The following CRTC3 variants were observed in gnomAD, a reference collection of about 807,000 sequenced individuals.
CRTC3 encodes the protein CREB regulated transcription coactivator 3.
Under a neutral mutation model 74.5 loss-of-function variants are expected in CRTC3, and 26 were observed. The observed-to-expected ratio is 0.35, with a 90% CI of 0.26 to 0.48. The LOEUF is 0.48. Among genes scored for constraint, CRTC3 ranks in the 20% least tolerant of loss-of-function variants. CRTC3 has a pLI of 0.99. For synonymous variants in CRTC3, 377 were observed against 325.8 expected, an observed-to-expected ratio of 1.16 and a Z score of -1.69; for missense variants, 760 against 787.3, an observed-to-expected ratio of 0.97 and a Z score of 0.41.
chr15:90,644,939 T>TG lies in CRTC3; in HGVS notation c.*2801dup. ...TGCATTTCCATTTTTTCTTTCTGTATGGTTGTGGGTTTTAGGACATAGGGG... is the reference window on the plus strand; with the variant it reads ...TGCATTTCCATTTTTTCTTTCTGTATGGGTTGTGGGTTTTAGGACATAGGGG... On this transcript the variant is annotated 3_prime_UTR_variant, in exon 15 of 15. Transcript: ENST00000268184. 4.3e-6 allele frequency: 1 copy of TG among 232,500 alleles called. No individual in the cohort carries two copies. Among genetic ancestry groups the TG allele is most frequent in the East Asian group, 6.1e-5 (1 of 16,474 alleles). The allele number at this position is 232,500 out of a possible 1,614,324, so 14.4% of individuals were successfully genotyped here. A position where few individuals can be genotyped will look rare whatever the true frequency, so the allele number is the denominator to read the frequency against.
At chr15:90,593,830 C>A in intron 3 of CRTC3, 75 bp downstream of exon 3, 3 of 1,471,248 alleles carry the variant, frequency 2.0e-6, no homozygotes, top group Non-Finnish European at 1.9e-6. Context: ...ATCTTCCCTG[C>A]AATTCTCCTT....
intron 8 of CRTC3, 196 bp downstream of exon 8, chr15:90,618,164 T>C (rs1968543357): frequency 8.0e-6 from 3 of 375,330 alleles, no homozygotes; most frequent in African/African-American, 2.1e-5. Flanking sequence ...AATTAGCACA[T>C]TGATCTCTTG....
Position 90,530,291 on chromosome 15 carries a change from T to G in CRTC3, c.132+88T>G. The G allele has an allele frequency of 2.5e-6, 2 of 792,812 alleles. No individual in the cohort carries two copies. Among genetic ancestry groups the G allele is most frequent in the Non-Finnish European group, 3.0e-6 (2 of 656,044 alleles). The allele number at this position is 792,812 out of a possible 1,614,324, so 49.1% of individuals were successfully genotyped here. A position where few individuals can be genotyped will look rare whatever the true frequency, so the allele number is the denominator to read the frequency against. On this transcript the variant is annotated intron_variant, in intron 1 of 14. Transcript: ENST00000268184. This position sits in a 1 kb window ranked among gnomAD's most constrained non-coding sequence, Gnocchi z 6.2. ...GTGAGAGGTTGCGGGGCCAAGGCGATGGCGGGGCCGGGCGGGGGCCGCGCC... is the reference window on the plus strand; with the variant it reads ...GTGAGAGGTTGCGGGGCCAAGGCGAGGGCGGGGCCGGGCGGGGGCCGCGCC...
intron 9 of CRTC3, 76 bp downstream of exon 9, chr15:90,619,866 C>A: frequency 8.2e-7 from 1 of 1,219,900 alleles, no homozygotes; most frequent in Non-Finnish European, 1.2e-6. Context: ...TGCTTTGTTA[C>A]AGAACTCTCA....
intron 1 of CRTC3, 88 bp from the exon 2 acceptor site, chr15:90,539,951 A>C: frequency 1.1e-5 from 10 of 897,024 alleles, no homozygotes; most frequent in Non-Finnish European, 1.8e-5. Context: ...TTCATTCTTG[A>C]ACCGTTCCCC....
In CRTC3 at chr15:90,614,772, T is replaced by G. The variant is rs544310979; in HGVS notation, c.613+284T>G. Among the ~76,000 whole-genome samples the G allele has an allele frequency of 1.3e-4, 20 of 152,308 alleles. 1 individual carries two copies. The South Asian group carries it at 3.5e-3, about 27-fold the overall frequency. On this transcript the variant is annotated intron_variant, in intron 7 of 14. Coordinates refer to ENST00000268184, the MANE Select transcript of CRTC3 (RefSeq NM_022769.5). ...CAAAAATTGTAATCACATGAAAATA[T>G]GAATGAATTGGCCTGGCACAGTGGC...
In CRTC3 at chr15:90,608,102, G is replaced by A. The variant is rs544707858; in HGVS notation, c.577+624G>A. Among the ~76,000 whole-genome samples the A allele has an allele frequency of 2.0e-5, 3 of 152,268 alleles. No homozygotes were observed. In the East Asian group the frequency reaches 5.8e-4, roughly 29 times the overall value. On this transcript the variant is annotated intron_variant, in intron 6 of 14. Coordinates refer to ENST00000268184, the MANE Select transcript of CRTC3 (RefSeq NM_022769.5). ...TTGAGATGGGGGAAGAGGAGGTCGGGCTGGAACTGTGCATCACCTGCTCAG... is the reference window on the plus strand; with the variant it reads ...TTGAGATGGGGGAAGAGGAGGTCGGACTGGAACTGTGCATCACCTGCTCAG...
intron 2 of CRTC3, among the ~76,000 whole-genome samples, chr15:90,567,107 T>G (rs574027201): frequency 8.5e-5 from 13 of 152,294 alleles, no homozygotes; most frequent in Admixed American, 8.5e-4. Flanking sequence ...ACTTCGATTC[T>G]GTTGTTAGAG....
chr15:90,607,528 C>T, intron 6 of CRTC3, 50 bp downstream of exon 6: 1 of 1,176,536 alleles, frequency 8.5e-7, no homozygotes, highest in Non-Finnish European at 1.2e-6. Context: ...CTCATTCTGT[C>T]CTAGGAACCA....
chr15:90,629,574 C>G (rs1181824328), intron 11 of CRTC3, 42 bp downstream of exon 11: 1 of 1,594,178 alleles, frequency 6.3e-7, no homozygotes, highest in South Asian at 1.1e-5. Flanking sequence ...GTGAAACAGA[C>G]TGCAAGATAT....
At chr15:90,577,579 T>G (rs1967436338) in intron 2 of CRTC3, among the ~76,000 whole-genome samples, 1 of 152,170 alleles carries the variant, frequency 6.6e-6, no homozygotes, top group South Asian at 2.1e-4. Context: ...AGGAGATATC[T>G]GCACTCCCAT....
intron 8 of CRTC3, among the ~76,000 whole-genome samples, chr15:90,619,236 C>A (rs1019181055): frequency 6.6e-6 from 1 of 152,192 alleles, no homozygotes; most frequent in African/African-American, 2.4e-5. Context: ...GCGGGTGGAT[C>A]ACCTGAGGTC....
chr15:90,617,906 AAAG>A lies in CRTC3; in HGVS notation c.642_644del (p.Glu215del), dbSNP rs1567186629. ...AGTAGCATCTTTCCCTGGCCCATTG[AAAG>A]AAGAGAATCTGTTAAATGTTCCGAA... On this transcript the variant is annotated inframe_deletion, in exon 8 of 15. Transcript: ENST00000268184. 1.9e-6 allele frequency: 3 copies of A among 1,612,722 alleles called. No individual in the cohort carries two copies. The highest frequency in any genetic ancestry group is 1.7e-6 in the Non-Finnish European group (2 of 1,178,942).
chr15:90,535,940 C>A (rs1966712215), intron 1 of CRTC3, among the ~76,000 whole-genome samples: 1 of 152,182 alleles, frequency 6.6e-6, no homozygotes, highest in African/African-American at 2.4e-5. Context: ...ATCTAGCTAT[C>A]ACAGTGAATG....
At chr15:90,574,509 A>G (rs997261712) in intron 2 of CRTC3, among the ~76,000 whole-genome samples, 7 of 151,962 alleles carry the variant, frequency 4.6e-5, no homozygotes, top group East Asian at 2.0e-4. Flanking sequence ...CTATGCTTCA[A>G]TGAACAACAT....
At chr15:90,562,242 A>C (rs1158307747) in intron 2 of CRTC3, among the ~76,000 whole-genome samples, 1 of 152,214 alleles carries the variant, frequency 6.6e-6, no homozygotes, top group Non-Finnish European at 1.5e-5. Context: ...AAGAGTGGTG[A>C]GGAGAAGAAC....
At chr15:90,608,588 G>T (rs1968286266) in intron 6 of CRTC3, among the ~76,000 whole-genome samples, 1 of 152,178 alleles carries the variant, frequency 6.6e-6, no homozygotes, top group Admixed American at 6.5e-5. Flanking sequence ...ATCCCAGACT[G>T]CTCTCTTAGC....
intron 2 of CRTC3, among the ~76,000 whole-genome samples, chr15:90,579,195 A>G (rs1464753079): frequency 6.6e-6 from 1 of 152,204 alleles, no homozygotes; most frequent in Non-Finnish European, 1.5e-5. Context: ...GGTGATTTAT[A>G]GTATATGGAA....
Position 90,642,470 on chromosome 15 carries a change from A to C in CRTC3, c.*330A>C. ...GTGTAAGAGTAGGAAATACTGTGTC[A>C]CTGGAGGCCTCCGTAGCATTGTGTA... On this transcript the variant is annotated 3_prime_UTR_variant, in exon 15 of 15. Transcript: ENST00000268184. 2.3e-6 allele frequency: 1 copy of C among 439,360 alleles called. No individual in the cohort carries two copies. The highest frequency in any genetic ancestry group is 3.6e-5 in the Admixed American group (1 of 27,728). 27.2% of individuals were successfully genotyped at this position (439,360 alleles called of 1,614,324 possible). A position where few individuals can be genotyped will look rare whatever the true frequency, so the allele number is the denominator to read the frequency against.
Sources: allele counts gnomAD v4.1 joint callset (sites outside exome capture counted in the v4.1 genomes callset), GRCh38; gene constraint gnomAD v4.1.1; non-coding constraint Gnocchi (gnomAD v3.1); transcripts MANE v1.5; gene names NCBI Gene and HGNC (gene_info 2026-07-23, HGNC 2026-07-21).